Variants in FARP1 observed in about 807,000 individuals in gnomAD.
The protein encoded by FARP1 is FERM, ARH/RhoGEF and pleckstrin domain protein 1, also known as FERM, ARHGEF and pleckstrin domain-containing protein 1.
A neutral mutation model predicts 128.8 loss-of-function variants in FARP1; 52 were observed. The observed-to-expected ratio is 0.40, with a 90% confidence interval of 0.32 to 0.51. The LOEUF is 0.51. Among genes scored for constraint, FARP1 ranks in the 20% least tolerant of loss-of-function variants. The pLI is 0.45. For missense variants in FARP1, 1,333 were observed against 1,367.9 expected, an observed-to-expected ratio of 0.97 and a Z score of 0.40; for synonymous variants, 580 against 551.8, an observed-to-expected ratio of 1.05 and a Z score of -0.72.
At chr13:98,356,621 T>TTTTATTTA (rs141310849) in intron 3 of FARP1, among the ~76,000 whole-genome samples, 53,720 of 144,154 alleles carry the variant, frequency 0.37, 10,300 homozygotes, top group East Asian at 0.46. Flanking sequence ...CCTTTTAAAA[T>TTTTATTTA]TTTATTTATT....
At chr13:98,169,229 T>C (rs72653400) in intron 1 of FARP1, among the ~76,000 whole-genome samples, 13,703 of 152,160 alleles carry the variant, frequency 0.09, 790 homozygotes, top group African/African-American at 0.15. Context: ...TCAGCTTCTA[T>C]CTGAATGGGT....
At chr13:98,256,952 T>C (rs1444794977) in intron 2 of FARP1, among the ~76,000 whole-genome samples, 1 of 31,904 alleles carries the variant, frequency 3.1e-5, no homozygotes. Context: ...TATGTGGATA[T>C]ATATATATAT....
chr13:98,441,778 G>A lies in FARP1; in HGVS notation c.2796+942G>A, dbSNP rs115473883. On this transcript the variant is annotated intron_variant, in intron 24 of 26. Coordinates refer to ENST00000319562, the MANE Select transcript of FARP1 (RefSeq NM_005766.4). ...AGGGGGAGTCCAGTTTCCGTGGCTC[G>A]CCTGGGGAGGAAAGGGGCGAGGCAG... 7.9e-3 allele frequency among the ~76,000 whole-genome samples: 1,196 copies of A among 152,292 alleles called. 17 individuals are homozygous for A. The highest frequency in any genetic ancestry group is 0.028 in the African/African-American group (1,147 of 41,530).
At chr13:98,146,754 G>C (rs1875596431) in intron 1 of FARP1, among the ~76,000 whole-genome samples, 1 of 152,220 alleles carries the variant, frequency 6.6e-6, no homozygotes, top group African/African-American at 2.4e-5. Context: ...GTTTGCCTGG[G>C]AAGGGAGGCT....
At chr13:98,210,558 C>G (rs9517216) in intron 1 of FARP1, among the ~76,000 whole-genome samples, 2 of 122,122 alleles carry the variant, frequency 1.6e-5, no homozygotes, top group African/African-American at 8.0e-5. Flanking sequence ...TCTATCTTTT[C>G]TTTTTTTTTG....
At chr13:98,171,711 A>G (rs2139165923) in intron 1 of FARP1, among the ~76,000 whole-genome samples, 1 of 152,210 alleles carries the variant, frequency 6.6e-6, no homozygotes, top group African/African-American at 2.4e-5. Context: ...AATATGCAAA[A>G]TTTTTATTTT....
At chr13:98,377,255 T>A (rs1208146769) in intron 5 of FARP1, among the ~76,000 whole-genome samples, 1 of 148,476 alleles carries the variant, frequency 6.7e-6, no homozygotes, top group Non-Finnish European at 1.5e-5. Flanking sequence ...TGAGGCGAGA[T>A]CACGCCACTG....
At chr13:98,266,870 C>T (rs1026850675) in intron 2 of FARP1, among the ~76,000 whole-genome samples, 3 of 151,806 alleles carry the variant, frequency 2.0e-5, no homozygotes, top group South Asian at 2.1e-4. Flanking sequence ...AAAAATTAGC[C>T]GGGTGCGGTG....
At chr13:98,389,063 C>G (rs1890207104) in intron 9 of FARP1, among the ~76,000 whole-genome samples, 1 of 152,232 alleles carries the variant, frequency 6.6e-6, no homozygotes, top group Non-Finnish European at 1.5e-5. Context: ...GCGTCTGTCC[C>G]CAACCAGCGT....
chr13:98,438,584 G>A (rs753846590), intron 19 of FARP1, among the ~76,000 whole-genome samples: 1 of 152,194 alleles, frequency 6.6e-6, no homozygotes, highest in Non-Finnish European at 1.5e-5. Context: ...CAGAGCAATG[G>A]TGCAGTGAAT....
At chr13:98,153,330 A>ATATAAAATATATAAATAATATATATTT (rs71120310) in intron 1 of FARP1, among the ~76,000 whole-genome samples, 1 of 130,218 alleles carries the variant, frequency 7.7e-6, no homozygotes, top group Non-Finnish European at 1.6e-5. Flanking sequence ...TAAATAATAT[A>ATATAAAATATATAAATAATATATATTT]ATATATAAAA....
chr13:98,161,472 C>G (rs1410010875), intron 1 of FARP1, among the ~76,000 whole-genome samples: 1 of 152,130 alleles, frequency 6.6e-6, no homozygotes, highest in African/African-American at 2.4e-5. Flanking sequence ...CCGCCTCGGC[C>G]TTCCAAAGTG....
chr13:98,363,050 T>C (rs1172070226), intron 3 of FARP1, among the ~76,000 whole-genome samples: 1 of 152,254 alleles, frequency 6.6e-6, no homozygotes, highest in Non-Finnish European at 1.5e-5. Context: ...TTCTTGCTCC[T>C]TCTAACCTGT....
intron 2 of FARP1, among the ~76,000 whole-genome samples, chr13:98,279,909 G>T (rs1884850302): frequency 6.6e-6 from 1 of 151,934 alleles, no homozygotes; most frequent in Non-Finnish European, 1.5e-5. Flanking sequence ...CTGTCTTCCG[G>T]GTCTCCCCCA....
chr13:98,255,510 A>C (rs1365264819), intron 2 of FARP1, among the ~76,000 whole-genome samples: 1 of 152,058 alleles, frequency 6.6e-6, no homozygotes, highest in Admixed American at 6.5e-5. Context: ...CAAAAAAAAA[A>C]CAAAAACAAA....
chr13:98,275,206 C>T (rs1047401545), intron 2 of FARP1, among the ~76,000 whole-genome samples: 1 of 151,934 alleles, frequency 6.6e-6, no homozygotes, highest in Non-Finnish European at 1.5e-5. Flanking sequence ...TACAGAATAT[C>T]GTAAACACGA....
intron 1 of FARP1, among the ~76,000 whole-genome samples, chr13:98,184,608 G>GA (rs556266749): frequency 2.1e-3 from 312 of 152,130 alleles, no homozygotes; most frequent in African/African-American, 7.2e-3. Context: ...TATTTGAAGG[G>GA]AAAAAAATAC....
chr13:98,163,250 T>C (rs546335856), intron 1 of FARP1, among the ~76,000 whole-genome samples: 46 of 152,204 alleles, frequency 3.0e-4, no homozygotes, highest in African/African-American at 1.1e-3. Context: ...TTGTCACTTA[T>C]AAGTGGGCGC....
intron 2 of FARP1, among the ~76,000 whole-genome samples, chr13:98,305,826 C>T (rs1886126502): frequency 2.6e-5 from 4 of 151,906 alleles, no homozygotes; most frequent in Admixed American, 2.0e-4. Flanking sequence ...CACTTAAGTT[C>T]AACTCAAATT....
Sources: gnomAD v4.1 joint callset for allele counts (sites outside exome capture counted in the v4.1 genomes callset) on GRCh38, gnomAD v4.1.1 for gene constraint, MANE v1.5 for transcripts, NCBI Gene and HGNC (gene_info 2026-07-23, HGNC 2026-07-21) for gene names.